Variants in TJP1 observed in about 807,000 individuals in gnomAD.
TJP1 encodes the protein tight junction protein ZO-1.
TJP1 carries 43 observed loss-of-function variants against 194.2 expected under a neutral mutation model. The ratio of observed to expected loss-of-function variants is 0.22; its 90% CI spans 0.17 to 0.29. The LOEUF (loss-of-function observed/expected upper bound fraction) is 0.29. Ranked by LOEUF, TJP1 falls within the 10% of genes least tolerant of loss-of-function variation. The probability of loss-of-function intolerance (pLI) is 1.00; values close to 1 mark genes in which losing one functional copy is unlikely to be tolerated. For synonymous variants in TJP1, 801 were observed against 779.0 expected (o/e 1.03, Z -0.47); for missense variants, 1,971 against 2,185.7 (o/e 0.90, Z 1.96).
At chr15:29,790,445 C>T (rs1345900862) in intron 2 of TJP1, among the ~76,000 whole-genome samples, 2 of 54,294 alleles carry the variant, frequency 3.7e-5, no homozygotes, top group Non-Finnish European at 9.7e-5. Context: ...TTTATGGGAT[C>T]CACATCATAC....
chr15:29,965,787 C>T (rs2056312930), intron 1 of TJP1, among the ~76,000 whole-genome samples: 1 of 152,180 alleles, frequency 6.6e-6, no homozygotes, highest in African/African-American at 2.4e-5. Context: ...AAGTATTCTA[C>T]ATCTCTGTTT....
At chr15:29,838,946 G>A (rs2051127332) in intron 2 of TJP1, among the ~76,000 whole-genome samples, 1 of 150,022 alleles carries the variant, frequency 6.7e-6, no homozygotes, top group African/African-American at 2.5e-5. Flanking sequence ...ATGTATCAAT[G>A]GTTCCTTCCT....
At chr15:29,820,389 A>C in intron 1 of TJP1, 1 of 622,692 alleles carries the variant, frequency 1.6e-6, no homozygotes, top group East Asian at 2.7e-5. Context: ...CATCTTAAAA[A>C]AAAGCTTTCA....
At chr15:29,737,822 T>C (rs541905734) in intron 10 of TJP1, among the ~76,000 whole-genome samples, 1 of 152,276 alleles carries the variant, frequency 6.6e-6, no homozygotes, top group South Asian at 2.1e-4. Flanking sequence ...GAAATTGAAG[T>C]ATAAATTGGC....
At chr15:29,775,712 T>C (rs1285332835) in intron 2 of TJP1, among the ~76,000 whole-genome samples, 1 of 151,842 alleles carries the variant, frequency 6.6e-6, no homozygotes, top group Middle Eastern at 3.2e-3. Flanking sequence ...AAATAAACAA[T>C]TAGAGACAAA....
At chr15:29,846,054 C>T (rs2051395452) in intron 2 of TJP1, among the ~76,000 whole-genome samples, 2 of 152,108 alleles carry the variant, frequency 1.3e-5, no homozygotes, top group Admixed American at 1.3e-4. Context: ...GCACTCACAC[C>T]TCCTAACCAC....
At chr15:29,946,486 C>CA (rs1286197770) in intron 2 of TJP1, among the ~76,000 whole-genome samples, 1 of 152,226 alleles carries the variant, frequency 6.6e-6, no homozygotes, top group Non-Finnish European at 1.5e-5. Context: ...CAAGGTTAAC[C>CA]TCAGGGCATG....
At chr15:29,918,158 TTTCC>T (rs2054244876) in intron 2 of TJP1, among the ~76,000 whole-genome samples, 1 of 152,150 alleles carries the variant, frequency 6.6e-6, no homozygotes, top group Non-Finnish European at 1.5e-5. Context: ...TGTGTTAGAG[TTTCC>T]TTCCTTTTTA....
intron 2 of TJP1, among the ~76,000 whole-genome samples, chr15:29,885,815 G>T (rs1189829407): frequency 6.6e-6 from 1 of 152,148 alleles, no homozygotes; most frequent in Admixed American, 6.5e-5. Flanking sequence ...TATCTGTTTT[G>T]TAAAAATCAT....
intron 1 of TJP1, among the ~76,000 whole-genome samples, chr15:29,817,390 T>A (rs1475267015): frequency 2.6e-5 from 4 of 152,166 alleles, no homozygotes; most frequent in Non-Finnish European, 5.9e-5. Context: ...GGTGGGAATG[T>A]AAATTAGTTC....
intron 1 of TJP1, chr15:29,821,557 G>C (rs547208924): frequency 6.6e-6 from 1 of 152,114 alleles, no homozygotes; most frequent in African/African-American, 2.4e-5. Context: ...ACAGGGTTTC[G>C]CCGGGGACCA....
chr15:29,872,662 T>A (rs955849727), intron 2 of TJP1, among the ~76,000 whole-genome samples: 23 of 152,128 alleles, frequency 1.5e-4, no homozygotes, highest in Non-Finnish European at 2.8e-4. Flanking sequence ...AAGCAAGAAC[T>A]AGGAGCTGGT....
chr15:29,846,533 T>C (rs538324629), intron 2 of TJP1, among the ~76,000 whole-genome samples: 1 of 152,234 alleles, frequency 6.6e-6, no homozygotes, highest in African/African-American at 2.4e-5. Flanking sequence ...GATCAGTTTA[T>C]TCACTCATTC....
chr15:29,967,066 T>G (rs1036495954), intron 1 of TJP1, among the ~76,000 whole-genome samples: 3 of 151,112 alleles, frequency 2.0e-5, no homozygotes, highest in African/African-American at 7.3e-5. Context: ...CAGGCTGGAG[T>G]GCAGTGGCAT....
chr15:29,920,587 C>A (rs1047611467), intron 2 of TJP1, among the ~76,000 whole-genome samples: 2 of 152,206 alleles, frequency 1.3e-5, no homozygotes, highest in Non-Finnish European at 2.9e-5. Flanking sequence ...AATCTCCTTT[C>A]CGTTACCTAT....
chr15:29,961,389 C>T (rs1327057215), intron 1 of TJP1, among the ~76,000 whole-genome samples: 3 of 138,842 alleles, frequency 2.2e-5, no homozygotes, highest in East Asian at 2.1e-4. Context: ...TCGCCCAGGC[C>T]GGACTGCGGA....
chr15:29,900,981 T>C (rs1369962677), intron 2 of TJP1, among the ~76,000 whole-genome samples: 1 of 152,096 alleles, frequency 6.6e-6, no homozygotes, highest in Non-Finnish European at 1.5e-5. Context: ...CTAGGAGGGC[T>C]GCCTGGAGTA....
chr15:29,716,873 T>C, intron 22 of TJP1, 35 bp from the exon 23 acceptor site: 1 of 1,522,894 alleles, frequency 6.6e-7, no homozygotes, highest in Non-Finnish European at 9.0e-7. Flanking sequence ...GAACACCTTT[T>C]TAAATATTAA....
intron 2 of TJP1, among the ~76,000 whole-genome samples, chr15:29,884,962 T>C (rs752866464): frequency 6.6e-6 from 1 of 152,152 alleles, no homozygotes; most frequent in African/African-American, 2.4e-5. Flanking sequence ...ACTATTCTCG[T>C]TCCCTAGCAA....
Sources: allele counts gnomAD v4.1 joint callset (sites outside exome capture counted in the v4.1 genomes callset), GRCh38; gene constraint gnomAD v4.1.1; transcripts MANE v1.5; gene names NCBI Gene and HGNC (gene_info 2026-07-23, HGNC 2026-07-21).